The following FOXJ3 variants were observed in gnomAD, a reference collection of about 807,000 sequenced individuals.
The protein encoded by FOXJ3 is forkhead box J3.
In FOXJ3, 22 loss-of-function variants were observed where a neutral mutation model predicts 76.1. That is an observed-to-expected ratio of 0.29 (90% confidence interval 0.21 to 0.41). The LOEUF (loss-of-function observed/expected upper bound fraction) is 0.41. Among genes scored for constraint, FOXJ3 ranks in the 10% least tolerant of loss-of-function variants. The pLI is 1.00. For missense variants in FOXJ3, 613 were observed against 762.1 expected (o/e 0.80, Z 2.30); for synonymous variants, 269 against 261.2 (o/e 1.03, Z -0.29).
chr1:42,290,764 C>A (rs893914497), intron 2 of FOXJ3, among the ~76,000 whole-genome samples: 3 of 152,252 alleles, frequency 2.0e-5, no homozygotes, highest in East Asian at 1.9e-4. Context: ...CTTGATGGAA[C>A]TACTCAACCC....
At chr1:42,258,705 T>C (rs1055406321) in intron 4 of FOXJ3, among the ~76,000 whole-genome samples, 4 of 152,238 alleles carry the variant, frequency 2.6e-5, no homozygotes, top group Non-Finnish European at 5.9e-5. Context: ...TGTGGTATAG[T>C]AAACAATTCC....
chr1:42,251,827 T>C (rs113497114), intron 4 of FOXJ3, among the ~76,000 whole-genome samples: 3,137 of 149,406 alleles, frequency 0.021, 99 homozygotes, highest in African/African-American at 0.074. Flanking sequence ...CATGCCATTC[T>C]CCTGCCTCAG....
Position 42,191,575 on chromosome 1 carries a change from G to A in FOXJ3, c.1079C>T (p.Thr360Ile). The A allele has an allele frequency of 6.2e-7, 1 of 1,614,158 alleles. No individual in the cohort carries two copies. Among genetic ancestry groups the A allele is most frequent in the Non-Finnish European group, 8.5e-7 (1 of 1,179,990 alleles). Reference sequence around the variant, plus strand: ...GACCTGTGCAACCGAATTACTGCCTGTGGTGTTGAGGCCACTGCCATGACT... The same window carrying A: ...GACCTGTGCAACCGAATTACTGCCTATGGTGTTGAGGCCACTGCCATGACT... Reference protein sequence around the residue: ...SNSHGSGLNTTGSNSVAQVSL... With the variant: ...SNSHGSGLNTIGSNSVAQVSL... The change falls in exon 9 of 13, where the codon ACA becomes ATA. Residue 360 changes from threonine to isoleucine, a missense_variant. Thr to Ile is a moderately conservative substitution (Grantham distance 89). This residue lies in a region of FOXJ3 where 526 missense variants were observed against 601.4 expected (regional missense o/e 0.87). Coordinates refer to ENST00000361346, the MANE Select transcript of FOXJ3 (RefSeq NM_014947.5).
At chr1:42,274,990 C>T (rs534211837) in intron 3 of FOXJ3, among the ~76,000 whole-genome samples, 31 of 151,898 alleles carry the variant, frequency 2.0e-4, no homozygotes, top group Admixed American at 6.6e-4. Flanking sequence ...GCTGGAATGG[C>T]GAGAAGTATA....
rs1318306528 is a variant in FOXJ3 at position 42,179,174 on chromosome 1, G to A, written c.*536C>T. 1.3e-5 allele frequency: 2 copies of A among 152,534 alleles called. No homozygotes were observed. The highest frequency in any genetic ancestry group is 4.8e-5 in the African/African-American group (2 of 41,374). 9.4% of individuals were successfully genotyped at this position (152,534 alleles called of 1,614,324 possible). On this transcript the variant is annotated 3_prime_UTR_variant, in exon 13 of 13. Coordinates refer to ENST00000361346, the MANE Select transcript of FOXJ3 (RefSeq NM_014947.5). ...ATTCATTACCCACATTTCTAAAAAAGATTAAATAAGGGGAACTGGGTTTTG... is the reference window on the plus strand; with the variant it reads ...ATTCATTACCCACATTTCTAAAAAAAATTAAATAAGGGGAACTGGGTTTTG...
At position 42,226,469 on chromosome 1, in the gene FOXJ3, G is replaced by A. The variant is rs621051; in HGVS notation, c.528+1414C>T. Among the ~76,000 whole-genome samples, 94 of 152,200 alleles carry A rather than the reference G, an allele frequency of 6.2e-4. 3 individuals carry two copies. In the East Asian group the frequency reaches 0.015, roughly 24 times the overall value. On this transcript the variant is annotated intron_variant, in intron 5 of 12. Coordinates refer to ENST00000361346, the MANE Select transcript of FOXJ3 (RefSeq NM_014947.5). ...TCTACTAAAAATATAAAAATTAGCCGGGCACAGTGGGTGCCTGTAATCCCA... is the reference window on the plus strand; with the variant it reads ...TCTACTAAAAATATAAAAATTAGCCAGGCACAGTGGGTGCCTGTAATCCCA...
chr1:42,188,066 T>C (rs1229247936), intron 11 of FOXJ3, among the ~76,000 whole-genome samples: 4 of 152,162 alleles, frequency 2.6e-5, no homozygotes, highest in Non-Finnish European at 5.9e-5. Flanking sequence ...AGAGAGCTTG[T>C]TGGCATAAAA....
At position 42,188,831 on chromosome 1, in the gene FOXJ3, T is replaced by C; in HGVS notation, c.1551A>G (p.Thr517=). 2.5e-6 allele frequency: 4 copies of C among 1,613,408 alleles called. No homozygotes were observed. The highest frequency in any genetic ancestry group is 3.4e-6 in the Non-Finnish European group (4 of 1,179,452). Residue 517 remains threonine, a synonymous_variant, in exon 11 of 13, where the codon ACA becomes ACG. Transcript: ENST00000361346. ...TCTGTGAATGTATAAGGCCAGTTTGTGTAAAGAACTGATTAAGAGAAGAAC... is the reference window on the plus strand; with the variant it reads ...TCTGTGAATGTATAAGGCCAGTTTGCGTAAAGAACTGATTAAGAGAAGAAC... ...DLCSSLNQFF[T]QTGLIHSQSN... is the part of the protein sequence containing the mutation.
chr1:42,206,322 G>A (rs1381776586), intron 5 of FOXJ3, among the ~76,000 whole-genome samples: 3 of 152,304 alleles, frequency 2.0e-5, no homozygotes, highest in South Asian at 2.1e-4. Flanking sequence ...TCTGGGTCAT[G>A]TCTTTGAAAG....
intron 5 of FOXJ3, among the ~76,000 whole-genome samples, chr1:42,212,214 A>C (rs555132239): frequency 1.3e-5 from 2 of 152,334 alleles, no homozygotes; most frequent in African/African-American, 4.8e-5. Flanking sequence ...GTGCCACTGC[A>C]CTCCAGCCTG....
At chr1:42,257,958 C>T (rs919575969) in intron 4 of FOXJ3, among the ~76,000 whole-genome samples, 1 of 152,232 alleles carries the variant, frequency 6.6e-6, no homozygotes, top group African/African-American at 2.4e-5. Flanking sequence ...AACAAAAAAG[C>T]CATTACCTGA....
At chr1:42,281,333 A>T (rs1435552811) in intron 2 of FOXJ3, among the ~76,000 whole-genome samples, 1 of 152,162 alleles carries the variant, frequency 6.6e-6, no homozygotes, top group Non-Finnish European at 1.5e-5. Flanking sequence ...AAGGTTCAGG[A>T]AAAGGAATAA....
Position 42,238,682 on chromosome 1 carries a change from C to G in FOXJ3, c.445-10716G>C, listed in dbSNP as rs892825240. On this transcript the variant is annotated intron_variant, in intron 4 of 12. Coordinates refer to ENST00000361346, the MANE Select transcript of FOXJ3 (RefSeq NM_014947.5). ...CAAGAGATCCTCCCACCTCAGCCTC[C>G]CACGTAGCTGGGAACACAGGCATGC... 3.9e-5 allele frequency among the ~76,000 whole-genome samples: 6 copies of G among 152,304 alleles called. No homozygotes were observed. The South Asian group carries it at 1.2e-3, about 32-fold the overall frequency.
In FOXJ3 at chr1:42,237,708, T is replaced by G. The variant is rs540768946; in HGVS notation, c.445-9742A>C. 3.3e-5 allele frequency among the ~76,000 whole-genome samples: 5 copies of G among 151,998 alleles called. No individual in the cohort carries two copies. In the East Asian group the frequency reaches 9.7e-4, roughly 29 times the overall value. Reference sequence around the variant, plus strand: ...TTTTTTAAATTTGCCTACTCCAAGATAGCAAATATATTCTCCATTGTTTTC... The same window carrying G: ...TTTTTTAAATTTGCCTACTCCAAGAGAGCAAATATATTCTCCATTGTTTTC... On this transcript the variant is annotated intron_variant, in intron 4 of 12. Coordinates refer to ENST00000361346, the MANE Select transcript of FOXJ3 (RefSeq NM_014947.5).
At chr1:42,306,583 T>C (rs1415388708) in intron 2 of FOXJ3, among the ~76,000 whole-genome samples, 1 of 152,138 alleles carries the variant, frequency 6.6e-6, no homozygotes, top group Non-Finnish European at 1.5e-5. Flanking sequence ...ATTACAGGCA[T>C]GAGCCACGGT....
At chr1:42,221,333 A>G (rs1647182110) in intron 5 of FOXJ3, among the ~76,000 whole-genome samples, 1 of 152,248 alleles carries the variant, frequency 6.6e-6, no homozygotes. Context: ...ACATTAGAAA[A>G]TAGCCAAGAC....
intron 12 of FOXJ3, 54 bp downstream of exon 12, chr1:42,181,863 G>T: frequency 9.1e-7 from 1 of 1,092,952 alleles, no homozygotes; most frequent in Non-Finnish European, 1.4e-6. Flanking sequence ...TTCCTGGAGT[G>T]CTCACACACA....
intron 5 of FOXJ3, among the ~76,000 whole-genome samples, chr1:42,222,569 G>C (rs1207727098): frequency 6.6e-6 from 1 of 152,098 alleles, no homozygotes; most frequent in African/African-American, 2.4e-5. Flanking sequence ...AATACAAAAG[G>C]TGTGGTCTGA....
intron 5 of FOXJ3, among the ~76,000 whole-genome samples, chr1:42,221,337 CCAAGA>C (rs1285770475): frequency 6.6e-6 from 1 of 151,896 alleles, no homozygotes; most frequent in African/African-American, 2.4e-5. Context: ...TAGAAAATAG[CCAAGA>C]CAAAAGATTT....
Sources: allele counts gnomAD v4.1 joint callset (sites outside exome capture counted in the v4.1 genomes callset), GRCh38; gene constraint gnomAD v4.1.1; regional missense constraint gnomAD v4.1.1; transcripts MANE v1.5; gene names NCBI Gene and HGNC (gene_info 2026-07-23, HGNC 2026-07-21).